Variants in NEURL1B observed in about 807,000 individuals in gnomAD.
The protein encoded by NEURL1B is E3 ubiquitin-protein ligase NEURL1B.
Under a neutral mutation model 37.4 loss-of-function variants are expected in NEURL1B, and 13 were observed. The observed-to-expected ratio is 0.35, with a 90% CI of 0.23 to 0.55. The LOEUF (loss-of-function observed/expected upper bound fraction) is 0.55. Ranked by LOEUF, NEURL1B falls within the 20% of genes least tolerant of loss-of-function variation. The pLI is 0.89. For synonymous variants in NEURL1B, 432 were observed against 426.6 expected, an observed-to-expected ratio of 1.01 and a Z score of -0.16; for missense variants, 790 against 879.2, an observed-to-expected ratio of 0.90 and a Z score of 1.28.
chr5:172,670,751 T>G (rs970168207), intron 2 of NEURL1B, among the ~76,000 whole-genome samples: 1 of 152,230 alleles, frequency 6.6e-6, no homozygotes, highest in East Asian at 1.9e-4. Flanking sequence ...ATTTGCTCAC[T>G]CCTTCACCCA....
At position 172,641,867 on chromosome 5, in the gene NEURL1B, T is replaced by A. The variant is rs1757467613; in HGVS notation, c.31+430T>A. 6.6e-6 allele frequency among the ~76,000 whole-genome samples: 1 copy of A among 151,898 alleles called. No homozygotes were observed. The highest frequency in any genetic ancestry group is 6.6e-5 in the Admixed American group (1 of 15,260). ...GACTGCAGCTGCCGAGAGTGAGGGG[T>A]GCTCTCAGGGGCACCCCAGTTTCCA... On this transcript the variant is annotated intron_variant, in intron 1 of 4. Coordinates refer to ENST00000369800, the MANE Select transcript of NEURL1B (RefSeq NM_001142651.3). The surrounding 1 kb of genome is among the most constrained non-coding windows in gnomAD (Gnocchi z 6.4).
chr5:172,668,937 A>T (rs1341084570), intron 1 of NEURL1B, among the ~76,000 whole-genome samples: 1 of 152,120 alleles, frequency 6.6e-6, no homozygotes, highest in Non-Finnish European at 1.5e-5. Flanking sequence ...ATGAACCCCA[A>T]AGGTGTCCGT....
intron 2 of NEURL1B, among the ~76,000 whole-genome samples, chr5:172,677,169 C>T (rs1385313444): frequency 6.6e-6 from 1 of 151,992 alleles, no homozygotes; most frequent in Non-Finnish European, 1.5e-5. Context: ...GTGGGAGCCA[C>T]GCGGAGTCAT....
Position 172,686,344 on chromosome 5 carries a change from G to A in NEURL1B, c.1423+48G>A, listed in dbSNP as rs917574771. The stretch of plus-strand genomic sequence containing the variant: ...AGGGGCAGGGGCTGGCGGCTGGCCT[G>A]GCTCCTCCGGCTGTGCCAGTGGCCT... On this transcript the variant is annotated intron_variant, in intron 4 of 4. Coordinates refer to ENST00000369800, the MANE Select transcript of NEURL1B (RefSeq NM_001142651.3). This position sits in a 1 kb window ranked among gnomAD's most constrained non-coding sequence, Gnocchi z 7.9. The A allele has an allele frequency of 6.5e-7, 1 of 1,539,664 alleles. No homozygotes were observed. The highest frequency in any genetic ancestry group is 1.4e-5 in the African/African-American group (1 of 72,920).
At chr5:172,642,276 A>G (rs1757478462) in intron 1 of NEURL1B, among the ~76,000 whole-genome samples, 1 of 152,234 alleles carries the variant, frequency 6.6e-6, no homozygotes, top group African/African-American at 2.4e-5. Context: ...ATTGAGTGTC[A>G]GAAGAGGTGA....
In NEURL1B at chr5:172,686,629, G is replaced by A. The variant is rs1286928368; in HGVS notation, c.1424-52G>A. 4 of 1,520,564 alleles carry A rather than the reference G, an allele frequency of 2.6e-6. No homozygotes were observed. The highest frequency in any genetic ancestry group is 1.4e-5 in the African/African-American group (1 of 72,546). 94.2% of individuals were successfully genotyped at this position (1,520,564 alleles called of 1,614,324 possible). A position where few individuals can be genotyped will look rare whatever the true frequency, so the allele number is the denominator to read the frequency against. ...GCATTCTCGGGGTTGCCCCAACAGA[G>A]CCCACCTGAGAGAGACATTGTTAAC... On this transcript the variant is annotated intron_variant, in intron 4 of 4. Coordinates refer to ENST00000369800, the MANE Select transcript of NEURL1B (RefSeq NM_001142651.3). The surrounding 1 kb of genome is among the most constrained non-coding windows in gnomAD (Gnocchi z 7.9).
At position 172,683,447 on chromosome 5, in the gene NEURL1B, C is replaced by G; in HGVS notation, c.606C>G (p.Pro202=). 1.4e-6 allele frequency: 2 copies of G among 1,456,418 alleles called. No individual in the cohort carries two copies. The highest frequency in any genetic ancestry group is 1.8e-6 in the Non-Finnish European group (2 of 1,106,620). 90.2% of individuals were successfully genotyped at this position (1,456,418 alleles called of 1,614,324 possible). Residue 202 remains proline, a synonymous_variant, in exon 3 of 5, where the codon CCC becomes CCG. Coordinates refer to ENST00000369800, the MANE Select transcript of NEURL1B (RefSeq NM_001142651.3). This position sits in a 1 kb window ranked among gnomAD's most constrained non-coding sequence, Gnocchi z 5.6. ...LESAFADTLT[P]ARLSQARFSA... ...GCGCCTTCGCTGACACGCTGACGCCCGCGCGCCTCAGCCAGGCCCGCTTCA... is the reference window on the plus strand; with the variant it reads ...GCGCCTTCGCTGACACGCTGACGCCGGCGCGCCTCAGCCAGGCCCGCTTCA...
chr5:172,656,301 G>A (rs181556154), intron 1 of NEURL1B, among the ~76,000 whole-genome samples: 90 of 152,276 alleles, frequency 5.9e-4, no homozygotes, highest in African/African-American at 2.0e-3. Context: ...ATGAGTTAGG[G>A]TGGAGGAGAT....
In NEURL1B at chr5:172,670,237, G is replaced by A. The variant is rs1468764862; in HGVS notation, c.484G>A (p.Glu162Lys). The A allele has an allele frequency of 2.8e-6, 4 of 1,408,040 alleles. No individual in the cohort carries two copies. In the African/African-American group the frequency reaches 4.5e-5, roughly 16 times the overall value. The allele number at this position is 1,408,040 out of a possible 1,614,324, so 87.2% of individuals were successfully genotyped here. A position where few individuals can be genotyped will look rare whatever the true frequency, so the allele number is the denominator to read the frequency against. Reference sequence around the variant, plus strand: ...CGTGTTCTACAGCGTGAACGACGGCGAGCCGGTGCTCTTCCACTGCGGCGT... The same window carrying A: ...CGTGTTCTACAGCGTGAACGACGGCAAGCCGGTGCTCTTCCACTGCGGCGT... ...GRVFYSVNDGEPVLFHCGVAV... is the reference protein window; with the variant it reads ...GRVFYSVNDGKPVLFHCGVAV... The change falls in exon 2 of 5, where the codon GAG becomes AAG. Residue 162 changes from glutamate to lysine, a missense_variant. Physicochemically the swap from Glu to Lys is moderately conservative, Grantham distance 56. Coordinates refer to ENST00000369800, the MANE Select transcript of NEURL1B (RefSeq NM_001142651.3).
At position 172,687,977 on chromosome 5, in the gene NEURL1B, A is replaced by T. The variant is rs137902946; in HGVS notation, c.*1052A>T. The T allele has an allele frequency of 9.2e-5, 14 of 152,750 alleles. No individual in the cohort carries two copies. The highest frequency in any genetic ancestry group is 3.4e-4 in the African/African-American group (14 of 41,564). The allele number at this position is 152,750 out of a possible 1,614,324, so 9.5% of individuals were successfully genotyped here. ...ACTTTTGGTCTTTGTTCTGATTCTC[A>T]GTGTATCTTCCTCCGCTGGTTACTA... On this transcript the variant is annotated 3_prime_UTR_variant, in exon 5 of 5. Coordinates refer to ENST00000369800, the MANE Select transcript of NEURL1B (RefSeq NM_001142651.3).
At chr5:172,679,511 G>T (rs546638892) in intron 2 of NEURL1B, among the ~76,000 whole-genome samples, 267 of 152,342 alleles carry the variant, frequency 1.8e-3, no homozygotes, top group Middle Eastern at 0.01. Flanking sequence ...CTCCTTAGAA[G>T]AAATGCCCCT....
rs539174059 is a variant in NEURL1B at position 172,665,724 on chromosome 5, C to T, written c.32-4061C>T. ...AATTCCAGCCTCCCCCTGCCTCTGC[C>T]CCTACCGTTCCCCTCTGCTCCCTCT... On this transcript the variant is annotated intron_variant, in intron 1 of 4. Transcript: ENST00000369800. This position sits in a 1 kb window ranked among gnomAD's most constrained non-coding sequence, Gnocchi z 4.1. Among the ~76,000 whole-genome samples the T allele has an allele frequency of 5.9e-5, 9 of 152,156 alleles. No homozygotes were observed. The highest frequency in any genetic ancestry group is 1.2e-4 in the Non-Finnish European group (8 of 67,990).
At position 172,656,717 on chromosome 5, in the gene NEURL1B, G is replaced by A. The variant is rs566949741; in HGVS notation, c.32-13068G>A. The A allele has an allele frequency of 3.5e-4, 381 of 1,099,764 alleles. 1 individual carries two copies. The East Asian group carries it at 4.4e-3, about 13-fold the overall frequency. 68.1% of individuals were successfully genotyped at this position (1,099,764 alleles called of 1,614,324 possible). On this transcript the variant is annotated intron_variant, in intron 1 of 4. Coordinates refer to ENST00000369800, the MANE Select transcript of NEURL1B (RefSeq NM_001142651.3). ...TGCCACCTTCGCGGCCGGACATGGC[G>A]CCTGCCGCCGCTTCCCCAGAAGTTA...
chr5:172,680,987 C>G (rs778067701), intron 2 of NEURL1B, among the ~76,000 whole-genome samples: 1 of 152,094 alleles, frequency 6.6e-6, no homozygotes, highest in Non-Finnish European at 1.5e-5. Flanking sequence ...ACAGGAAGCA[C>G]GGCTGGGGAA....
Position 172,683,665 on chromosome 5 carries a change from T to C in NEURL1B, c.824T>C (p.Leu275Pro), listed in dbSNP as rs1758414046. The C allele has an allele frequency of 1.2e-5, 16 of 1,298,822 alleles. No individual in the cohort carries two copies. The highest frequency in any genetic ancestry group is 1.6e-5 in the Non-Finnish European group (16 of 1,015,614). The allele number at this position is 1,298,822 out of a possible 1,614,324, so 80.5% of individuals were successfully genotyped here. A position where few individuals can be genotyped will look rare whatever the true frequency, so the allele number is the denominator to read the frequency against. The part of the protein sequence containing the change: ...ERPRPASSPA[L>P]LEADLRFHAT... ...CCGCGGCCCGCGTCGTCGCCGGCGC[T>C]ACTGGAGGCCGACCTGCGCTTCCAC... Residue 275 changes from leucine to proline, a missense_variant, in exon 3 of 5, where the codon CTA becomes CCA. By Grantham distance (98) the Leu-to-Pro change is moderately conservative. Coordinates refer to ENST00000369800, the MANE Select transcript of NEURL1B (RefSeq NM_001142651.3). This position sits in a 1 kb window ranked among gnomAD's most constrained non-coding sequence, Gnocchi z 5.6.
rs1488912421 is a variant in NEURL1B at position 172,686,524 on chromosome 5, G to GA, written c.1424-154dup. ...TGGTGTTTGGGAGTAGAAGAGTAGA[G>GA]AAAGGTGCAAAACCTGCAAGGTAAA... is the stretch of plus-strand genomic sequence containing the variant. On this transcript the variant is annotated intron_variant, in intron 4 of 4. Transcript: ENST00000369800. This position sits in a 1 kb window ranked among gnomAD's most constrained non-coding sequence, Gnocchi z 7.9. 2.6e-5 allele frequency among the ~76,000 whole-genome samples: 4 copies of GA among 152,142 alleles called. No individual in the cohort carries two copies. The highest frequency in any genetic ancestry group is 5.9e-5 in the Non-Finnish European group (4 of 68,028).
intron 1 of NEURL1B, chr5:172,662,073 C>T (rs1426925557): frequency 6.6e-6 from 1 of 152,252 alleles, no homozygotes; most frequent in Non-Finnish European, 1.5e-5. Context: ...CAGGAATAAA[C>T]CTTTCCTAGT....
Position 172,690,303 on chromosome 5 carries a change from C to T in NEURL1B, c.*3378C>T, listed in dbSNP as rs1758619590. The stretch of plus-strand genomic sequence containing the variant: ...GGAGCTGCTCCCCTCACGGCAGCAC[C>T]ACGTTTCCAGTCCCTCGATGCCACT... On this transcript the variant is annotated 3_prime_UTR_variant, in exon 5 of 5. Transcript: ENST00000369800. 1 of 152,250 alleles carries T rather than the reference C, an allele frequency of 6.6e-6. No homozygotes were observed. Among genetic ancestry groups the T allele is most frequent in the African/African-American group, 2.4e-5 (1 of 41,456 alleles). 9.4% of individuals were successfully genotyped at this position (152,250 alleles called of 1,614,324 possible). A position where few individuals can be genotyped will look rare whatever the true frequency, so the allele number is the denominator to read the frequency against.
chr5:172,680,527 C>T lies in NEURL1B; in HGVS notation c.578-2892C>T, dbSNP rs577173030. Among the ~76,000 whole-genome samples, 83 of 152,326 alleles carry T rather than the reference C, an allele frequency of 5.4e-4. 1 individual carries two copies. Among genetic ancestry groups the T allele is most frequent in the African/African-American group, 1.9e-3 (79 of 41,572 alleles). ...CATTGCACCGACACTTCCAGAAACA[C>T]GTACTTGTCTAAAATGCCTTTTCAA... is the stretch of plus-strand genomic sequence containing the variant. On this transcript the variant is annotated intron_variant, in intron 2 of 4. Coordinates refer to ENST00000369800, the MANE Select transcript of NEURL1B (RefSeq NM_001142651.3).
Sources: gnomAD v4.1 joint callset for allele counts (sites outside exome capture counted in the v4.1 genomes callset) on GRCh38, gnomAD v4.1.1 for gene constraint, Gnocchi (gnomAD v3.1) non-coding constraint, MANE v1.5 for transcripts, NCBI Gene and HGNC (gene_info 2026-07-23, HGNC 2026-07-21) for gene names.